OGG1: variants seen among roughly 807,000 people sequenced by gnomAD.
The protein encoded by OGG1 is 8-oxoguanine DNA glycosylase.
OGG1 carries 35 observed loss-of-function variants against 42.3 expected under a neutral mutation model. That is an observed-to-expected ratio of 0.83 (90% CI 0.63 to 1.10). The LOEUF is 1.10. Ranked by LOEUF, OGG1 falls within the 50% of genes least tolerant of loss-of-function variation. The pLI, the probability that OGG1 is intolerant of heterozygous loss-of-function variation, is 0.00. For synonymous variants in OGG1, 189 were observed against 179.0 expected (o/e 1.06, Z -0.44); for missense variants, 484 against 446.7 (o/e 1.08, Z -0.75).
At chr3:9,759,767 A>G (rs368628952), downstream of OGG1, 110 of 1,613,940 alleles carry the variant, frequency 6.8e-5, no homozygotes, top group Non-Finnish European at 8.8e-5. Flanking sequence ...CCCCAAGACA[A>G]AAGCAAAGAT....
rs577934433 is a variant in OGG1 at position 9,751,199 on chromosome 3, A to T, written c.385+7A>T. 1.2e-6 allele frequency: 2 copies of T among 1,613,634 alleles called. 1 individual carries two copies. The highest frequency in any genetic ancestry group is 3.3e-4 in the Middle Eastern group (2 of 6,062). Reference sequence around the variant, plus strand: ...GTGGCTCAGAAATTCCAAGGTGAGTACAGGACCTGGGCTGGGGTTAGGGTT... The same window carrying T: ...GTGGCTCAGAAATTCCAAGGTGAGTTCAGGACCTGGGCTGGGGTTAGGGTT... On this transcript the variant is annotated splice_region_variant and intron_variant, in intron 2 of 6. Coordinates refer to ENST00000344629, the MANE Select transcript of OGG1 (RefSeq NM_002542.6).
At position 9,751,873 on chromosome 3, in the gene OGG1, C is replaced by T. The variant is rs1313252179; in HGVS notation, c.489C>T (p.Cys163=). 1 of 1,614,046 alleles carries T rather than the reference C, an allele frequency of 6.2e-7. No homozygotes were observed. Among genetic ancestry groups the T allele is most frequent in the Non-Finnish European group, 8.5e-7 (1 of 1,180,014 alleles). The change falls in exon 3 of 7, where the codon TGC becomes TGT. Residue 163 remains cysteine (C), a synonymous_variant. Coordinates refer to ENST00000344629, the MANE Select transcript of OGG1 (RefSeq NM_002542.6). ...ARITGMVERL[C]QAFGPRLIQL... is the part of the protein sequence containing the mutation. ...TCACTGGCATGGTGGAGCGGCTGTGCCAGGCTTTTGGACCTCGGCTCATCC... is the reference window on the plus strand; with the variant it reads ...TCACTGGCATGGTGGAGCGGCTGTGTCAGGCTTTTGGACCTCGGCTCATCC...
chr3:9,776,603 A>G (rs2078369126), intron 2 of OGG1, among the ~76,000 whole-genome samples: 2 of 151,946 alleles, frequency 1.3e-5, no homozygotes, highest in South Asian at 4.2e-4. Flanking sequence ...GTTAGCCAGG[A>G]TAGTCTCGAT....
downstream of OGG1, among the ~76,000 whole-genome samples, chr3:9,767,508 T>C (rs1277010122): frequency 1.3e-5 from 2 of 152,204 alleles, no homozygotes; most frequent in Non-Finnish European, 2.9e-5. Context: ...CCACCCACTG[T>C]CATCCAGAAG....
In OGG1 at chr3:9,750,152, A is replaced by T; in HGVS notation, c.-135A>T. On this transcript the variant is annotated 5_prime_UTR_variant, in exon 1 of 7. Coordinates refer to ENST00000344629, the MANE Select transcript of OGG1 (RefSeq NM_002542.6). The stretch of plus-strand genomic sequence containing the variant: ...AGGAGGTGGAGGAATTAAGTGAAAC[A>T]GGGAAGGTTGTTAAACAGCACCGTG... 2.6e-6 allele frequency: 3 copies of T among 1,140,560 alleles called. No homozygotes were observed. The highest frequency in any genetic ancestry group is 3.0e-5 in the South Asian group (2 of 66,364). 70.7% of individuals were successfully genotyped at this position (1,140,560 alleles called of 1,614,324 possible).
intron 2 of OGG1, among the ~76,000 whole-genome samples, chr3:9,776,388 CTTTTTTTTTTTT>C (rs57504240): frequency 1.7e-5 from 2 of 121,122 alleles, no homozygotes; most frequent in South Asian, 2.6e-4. Context: ...TTTTTCTTTT[CTTTTTTTTTTTT>C]TTTTTTTGAG....
At chr3:9,757,490 T>C (rs1025115207), downstream of OGG1, 1 of 1,603,884 alleles carries the variant, frequency 6.2e-7, no homozygotes, top group Non-Finnish European at 8.5e-7. This position sits in a 1 kb window ranked among gnomAD's most constrained non-coding sequence, Gnocchi z 4.5. Flanking sequence ...GGGAGCAGGC[T>C]GCCCCCAAGC....
At chr3:9,763,365 C>T (rs1263851018) in intron 7 of OGG1, 3 of 727,998 alleles carry the variant, frequency 4.1e-6, no homozygotes, top group South Asian at 1.7e-5. Context: ...TGACTAGCCA[C>T]TGCACTCCAG....
chr3:9,764,459 T>A (rs927284363), intron 7 of OGG1, among the ~76,000 whole-genome samples: 2 of 152,074 alleles, frequency 1.3e-5, no homozygotes, highest in African/African-American at 4.8e-5. Context: ...ATTACAGGCA[T>A]GCGCCACCAT....
intron 3 of OGG1, chr3:9,784,199 T>A: frequency 2.5e-6 from 4 of 1,613,154 alleles, no homozygotes; most frequent in Non-Finnish European, 3.4e-6. Flanking sequence ...CTCCAGGGAC[T>A]TAGTATGCGG....
At chr3:9,771,853 G>A (rs1168784407) in intron 2 of OGG1, among the ~76,000 whole-genome samples, 4 of 108,468 alleles carry the variant, frequency 3.7e-5, no homozygotes, top group African/African-American at 1.1e-4. Context: ...GTCTCCCTCT[G>A]TTGCCCAGGC....
In OGG1 at chr3:9,754,794, AG is replaced by A; in HGVS notation, c.659del (p.Gly220AlafsTer3). The A allele has an allele frequency of 1.2e-6, 2 of 1,613,742 alleles. No individual in the cohort carries two copies. The highest frequency in any genetic ancestry group is 1.7e-6 in the Non-Finnish European group (2 of 1,179,862). ...SASARAILEE[Q>X]GGLAWLQQLR... ...AGTGCCCGAGCCATCCTGGAAGAAC[AG>A]GGCGGGCTAGCCTGGCTGCAGCAGC... On this transcript the variant is annotated frameshift_variant, in exon 4 of 7. Coordinates refer to ENST00000344629, the MANE Select transcript of OGG1 (RefSeq NM_002542.6). LOFTEE classifies it high-confidence loss of function.
chr3:9,790,175 C>T (rs1299537729), downstream of OGG1, among the ~76,000 whole-genome samples: 3 of 152,182 alleles, frequency 2.0e-5, no homozygotes, highest in Non-Finnish European at 4.4e-5. Flanking sequence ...TTCTCATAAT[C>T]TCATTCACTT....
chr3:9,779,701 G>C (rs2078417106), intron 2 of OGG1, among the ~76,000 whole-genome samples: 1 of 151,984 alleles, frequency 6.6e-6, no homozygotes, highest in Non-Finnish European at 1.5e-5. Context: ...TTGCTAGATT[G>C]GCTAACCGTG....
chr3:9,750,127 A>G lies in OGG1; in HGVS notation c.-160A>G, dbSNP rs1044214934. 19 of 910,612 alleles carry G rather than the reference A, an allele frequency of 2.1e-5. 1 individual carries two copies. Among genetic ancestry groups the G allele is most frequent in the Non-Finnish European group, 2.9e-5 (18 of 610,260 alleles). 56.4% of individuals were successfully genotyped at this position (910,612 alleles called of 1,614,324 possible). A position where few individuals can be genotyped will look rare whatever the true frequency, so the allele number is the denominator to read the frequency against. On this transcript the variant is annotated 5_prime_UTR_variant, in exon 1 of 7. Transcript: ENST00000344629. ...ATGACCCGCAAAGGGCGAGGCATGCAGGAGGTGGAGGAATTAAGTGAAACA... is the reference window on the plus strand; with the variant it reads ...ATGACCCGCAAAGGGCGAGGCATGCGGGAGGTGGAGGAATTAAGTGAAACA...
chr3:9,765,731 G>A, intron 7 of OGG1: 1 of 1,612,214 alleles, frequency 6.2e-7, no homozygotes, highest in Non-Finnish European at 8.5e-7. Context: ...GGTCAGCTTG[G>A]GGCAGGGAAA....
At chr3:9,752,541 A>C (rs2077354022) in intron 3 of OGG1, among the ~76,000 whole-genome samples, 1 of 151,058 alleles carries the variant, frequency 6.6e-6, no homozygotes, top group Non-Finnish European at 1.5e-5. Flanking sequence ...AAAAAAAAAA[A>C]AAAAAAAAAA....
chr3:9,761,399 G>C, downstream of OGG1: 4 of 1,534,330 alleles, frequency 2.6e-6, no homozygotes, highest in Non-Finnish European at 3.5e-6. Context: ...GGAAGGAAGA[G>C]AGGAAAGTAG....
Position 9,756,562 on chromosome 3 carries a change from G to T in OGG1, c.839G>T (p.Ser280Ile). 6.2e-7 allele frequency: 1 copy of T among 1,614,194 alleles called. No individual in the cohort carries two copies. Among genetic ancestry groups the T allele is most frequent in the African/African-American group, 1.3e-5 (1 of 75,046 alleles). Residue 280 changes from serine to isoleucine, a missense_variant, in exon 5 of 7, where the codon AGC (serine) becomes ATC (isoleucine). Transcript: ENST00000344629. ...HMWHIAQRDY[S>I]WHPTTSQAKG... ...TGGCACATTGCCCAACGTGACTACA[G>T]CTGGCACCCTACCACGTCCCAGGCG... is the stretch of plus-strand genomic sequence containing the variant.
Sources: allele counts gnomAD v4.1 joint callset (sites outside exome capture counted in the v4.1 genomes callset), GRCh38; gene constraint gnomAD v4.1.1; non-coding constraint Gnocchi (gnomAD v3.1); transcripts MANE v1.5; gene names NCBI Gene and HGNC (gene_info 2026-07-23, HGNC 2026-07-21).